The following TPRG1 variants were observed in gnomAD, a reference collection of about 807,000 sequenced individuals.
The protein encoded by TPRG1 is tumor protein p63-regulated gene 1 protein.
In TPRG1, 29 loss-of-function variants were observed where a neutral mutation model predicts 29.3. That is an observed-to-expected ratio of 0.99 (90% CI 0.74 to 1.35). The LOEUF (loss-of-function observed/expected upper bound fraction) is 1.35, where lower values mean the gene tolerates loss of function less well. Ranked by LOEUF, TPRG1 falls within the 40% of genes most tolerant of loss-of-function variation. The pLI, the probability that TPRG1 is intolerant of heterozygous loss-of-function variation, is 0.00. For synonymous variants in TPRG1, 130 were observed against 116.8 expected (o/e 1.11, Z -0.73); for missense variants, 327 against 335.0 (o/e 0.98, Z 0.19).
At chr3:189,033,231 A>T (rs2152130695) in intron 4 of TPRG1, among the ~76,000 whole-genome samples, 2 of 152,210 alleles carry the variant, frequency 1.3e-5, no homozygotes, top group South Asian at 4.2e-4. Context: ...ACTACAGAAA[A>T]AAAGGAGATT....
chr3:189,118,820 G>A (rs1397727048), intron 1 of TPRG1, among the ~76,000 whole-genome samples: 5 of 152,238 alleles, frequency 3.3e-5, no homozygotes, highest in African/African-American at 1.2e-4. Context: ...ATGCCTGGAT[G>A]TCTAGGCAGA....
intron 1 of TPRG1, among the ~76,000 whole-genome samples, chr3:189,108,633 A>T (rs1295453073): frequency 6.6e-6 from 1 of 151,872 alleles, no homozygotes; most frequent in African/African-American, 2.4e-5. Flanking sequence ...CTTAGTTCAC[A>T]CATTATTCCA....
chr3:189,294,388 T>C (rs1343797244), intron 4 of TPRG1, among the ~76,000 whole-genome samples: 1 of 152,220 alleles, frequency 6.6e-6, no homozygotes, highest in Non-Finnish European at 1.5e-5. Context: ...ATATAAATCA[T>C]ATATAATGGA....
chr3:189,141,660 G>T (rs1201241563), intron 3 of TPRG1, among the ~76,000 whole-genome samples: 1 of 152,172 alleles, frequency 6.6e-6, no homozygotes, highest in African/African-American at 2.4e-5. Context: ...AAGAGAATTT[G>T]TTCATCAAAT....
In TPRG1 at chr3:189,073,305, A is replaced by T. The variant is rs142120649; in HGVS notation, c.-463+49359A>T. Among the ~76,000 whole-genome samples, 478 of 152,216 alleles carry T rather than the reference A, an allele frequency of 3.1e-3. 6 individuals are homozygous for T. Among genetic ancestry groups the T allele is most frequent in the African/African-American group, 0.011 (469 of 41,542 alleles). Reference sequence around the variant, plus strand: ...CTTCCAAGAACTCTGGCTTCCAGGGATATCTGTATATTTGCTCTTTTGTTC... The same window carrying T: ...CTTCCAAGAACTCTGGCTTCCAGGGTTATCTGTATATTTGCTCTTTTGTTC... On this transcript the variant is annotated intron_variant, in intron 4 of 10. Coordinates refer to the TPRG1 transcript ENST00000433971.
intron 3 of TPRG1, among the ~76,000 whole-genome samples, chr3:189,141,051 TC>T (rs1177423560): frequency 6.6e-6 from 1 of 152,168 alleles, no homozygotes; most frequent in Non-Finnish European, 1.5e-5. Context: ...AAATAGACTC[TC>T]CTTGAAGAAT....
intron 4 of TPRG1, among the ~76,000 whole-genome samples, chr3:189,149,409 G>T (rs796115368): frequency 8.5e-5 from 13 of 152,324 alleles, no homozygotes; most frequent in African/African-American, 3.1e-4. Flanking sequence ...CTCTGAGAAA[G>T]CATTCAAGAG....
chr3:189,007,313 C>G (rs1327282648), intron 3 of TPRG1, among the ~76,000 whole-genome samples: 1 of 151,810 alleles, frequency 6.6e-6, no homozygotes, highest in East Asian at 1.9e-4. Context: ...TCATCACTGG[C>G]CATCAGAGAA....
At chr3:189,294,870 C>T (rs1039799408) in intron 4 of TPRG1, among the ~76,000 whole-genome samples, 8 of 151,762 alleles carry the variant, frequency 5.3e-5, no homozygotes, top group African/African-American at 1.9e-4. Flanking sequence ...TTTTTTATTA[C>T]ACTTTAAGTT....
intron 4 of TPRG1, among the ~76,000 whole-genome samples, chr3:189,074,203 T>TA (rs1716980476): frequency 7.7e-6 from 1 of 129,830 alleles, no homozygotes; most frequent in South Asian, 2.4e-4. Flanking sequence ...ATTTTCCTTT[T>TA]TTTTTTTTTT....
chr3:189,176,463 A>G (rs1484178513), intron 1 of TPRG1, among the ~76,000 whole-genome samples: 5 of 152,234 alleles, frequency 3.3e-5, no homozygotes, highest in African/African-American at 9.6e-5. Flanking sequence ...GAAAAAAAAT[A>G]ATAATCTCTT....
At chr3:189,299,136 A>T (rs1173366350) in intron 4 of TPRG1, among the ~76,000 whole-genome samples, 1 of 152,098 alleles carries the variant, frequency 6.6e-6, no homozygotes, top group Non-Finnish European at 1.5e-5. Context: ...AGGGTGCTCA[A>T]AAGTACTTCC....
intron 1 of TPRG1, among the ~76,000 whole-genome samples, chr3:189,185,791 G>A (rs1224583174): frequency 2.6e-5 from 4 of 151,878 alleles, no homozygotes; most frequent in African/African-American, 9.7e-5. Context: ...ATTTTAATAT[G>A]TTACTTTCTA....
chr3:189,305,064 A>G (rs1248132183), intron 4 of TPRG1, among the ~76,000 whole-genome samples: 1 of 152,158 alleles, frequency 6.6e-6, no homozygotes, highest in Non-Finnish European at 1.5e-5. Flanking sequence ...GGGGCAGCTG[A>G]TGGAGGTAAT....
At chr3:189,240,847 C>G (rs1740458129) in intron 4 of TPRG1, among the ~76,000 whole-genome samples, 1 of 152,098 alleles carries the variant, frequency 6.6e-6, no homozygotes, top group African/African-American at 2.4e-5. Flanking sequence ...ATTATTTTAC[C>G]TAATGAAAGC....
At chr3:189,095,835 G>C (rs1286394224), upstream of TPRG1, among the ~76,000 whole-genome samples, 2 of 152,150 alleles carry the variant, frequency 1.3e-5, no homozygotes, top group Non-Finnish European at 2.9e-5. Flanking sequence ...ATCCTTCTCA[G>C]GTTGGGATAG....
intron 3 of TPRG1, among the ~76,000 whole-genome samples, chr3:189,233,883 T>C: frequency 6.6e-6 from 1 of 152,084 alleles, no homozygotes; most frequent in East Asian, 1.9e-4. Context: ...GATTGATTGA[T>C]TGAAGGAGAC....
At chr3:189,162,727 G>C (rs901857113) in intron 5 of TPRG1, among the ~76,000 whole-genome samples, 1 of 152,126 alleles carries the variant, frequency 6.6e-6, no homozygotes, top group Non-Finnish European at 1.5e-5. Flanking sequence ...CTGAAAAACA[G>C]ATTAATCCAG....
At chr3:189,034,916 C>A (rs941852241) in intron 4 of TPRG1, among the ~76,000 whole-genome samples, 1 of 152,028 alleles carries the variant, frequency 6.6e-6, no homozygotes, top group Non-Finnish European at 1.5e-5. Context: ...ATGTCATTTT[C>A]CGCAGAATTA....
Sources: gnomAD v4.1 joint callset for allele counts (sites outside exome capture counted in the v4.1 genomes callset) on GRCh38, gnomAD v4.1.1 for gene constraint, MANE v1.5 for transcripts, NCBI Gene and HGNC (gene_info 2026-07-23, HGNC 2026-07-21) for gene names.